Variants in PRKDC observed in about 807,000 individuals in gnomAD.
The protein encoded by PRKDC is protein kinase, DNA-activated, catalytic subunit.
In PRKDC, 82 loss-of-function variants were observed where a neutral mutation model predicts 486.9. That is an observed-to-expected ratio of 0.17 (90% CI 0.14 to 0.20). The LOEUF (loss-of-function observed/expected upper bound fraction) is 0.20. Ranked by LOEUF, PRKDC falls within the 10% of genes least tolerant of loss-of-function variation. PRKDC has a pLI of 1.00. For synonymous variants in PRKDC, 1,895 were observed against 1,837.0 expected (o/e 1.03, Z -0.81); for missense variants, 4,504 against 5,038.2 (o/e 0.89, Z 3.21).
Position 47,774,052 on chromosome 8 carries a change from T to C in PRKDC, c.*121A>G. ...GATTTAAACTCATGCTACGAAACTG[T>C]AGCACAAAAGACATTTCTCTTTAGT... On this transcript the variant is annotated 3_prime_UTR_variant, in exon 86 of 86. Transcript: ENST00000314191. The C allele has an allele frequency of 2.0e-6, 2 of 1,009,992 alleles. No homozygotes were observed. Among genetic ancestry groups the C allele is most frequent in the East Asian group, 2.6e-5 (1 of 38,150 alleles). 62.6% of individuals were successfully genotyped at this position (1,009,992 alleles called of 1,614,324 possible).
In PRKDC at chr8:47,913,877, G is replaced by A. The variant is rs766655431; in HGVS notation, c.2781+24C>T. 18 of 1,572,594 alleles carry A rather than the reference G, an allele frequency of 1.1e-5. No homozygotes were observed. In the South Asian group the frequency reaches 1.6e-4, roughly 14 times the overall value. ...TTTAAAGCAATAGGATCTAAATAATGGGTGAAATGAAAAATAGAAGTACTT... is the reference window on the plus strand; with the variant it reads ...TTTAAAGCAATAGGATCTAAATAATAGGTGAAATGAAAAATAGAAGTACTT... On this transcript the variant is annotated intron_variant, in intron 24 of 85. Transcript: ENST00000314191.
At chr8:47,915,863 G>A (rs1343609944) in intron 22 of PRKDC, among the ~76,000 whole-genome samples, 1 of 152,188 alleles carries the variant, frequency 6.6e-6, no homozygotes, top group South Asian at 2.1e-4. Flanking sequence ...GCTAACTGTA[G>A]TTATTCTTCT....
intron 85 of PRKDC, 137 bp downstream of exon 85, chr8:47,776,707 G>T: frequency 8.1e-7 from 1 of 1,230,056 alleles, no homozygotes; most frequent in Non-Finnish European, 1.1e-6. Flanking sequence ...TCTAAGCCCT[G>T]CTTTCCTCCT....
At chr8:47,852,833 G>A in intron 51 of PRKDC, 49 bp from the exon 52 acceptor site, 1 of 1,194,008 alleles carries the variant, frequency 8.4e-7, no homozygotes, top group South Asian at 1.4e-5. Context: ...CCATTCTGTT[G>A]TTCCACAAAT....
rs368986002 is a variant in PRKDC at position 47,864,756 on chromosome 8, A to T, written c.5371T>A (p.Cys1791Ser). The T allele has an allele frequency of 5.1e-6, 8 of 1,582,714 alleles. No individual in the cohort carries two copies. Among genetic ancestry groups the T allele is most frequent in the Non-Finnish European group, 6.0e-6 (7 of 1,162,242 alleles). Residue 1791 changes from cysteine (C) to serine (S), a missense_variant, in exon 41 of 86, where the codon TGT becomes AGT. Around this residue, in one of 6 missense-constraint regions of PRKDC, gnomAD observed 1,969 missense variants for 2,068.9 expected, o/e 0.95. Transcript: ENST00000314191. Reference sequence around the variant, plus strand: ...TCCAGAAGGCCTACTTGTGTGACACATGAACCCCTAAGAAAACAAGATAAA... The same window carrying T: ...TCCAGAAGGCCTACTTGTGTGACACTTGAACCCCTAAGAAAACAAGATAAA... ...SFRRIARRGSCVTQVGLLESV... is the reference protein window; with the variant it reads ...SFRRIARRGSSVTQVGLLESV...
At chr8:47,873,854 G>A (rs1353905972) in intron 40 of PRKDC, among the ~76,000 whole-genome samples, 2 of 152,068 alleles carry the variant, frequency 1.3e-5, no homozygotes, top group Non-Finnish European at 2.9e-5. Context: ...ACGGTTACCA[G>A]AGGCTGGAAA....
At chr8:47,905,522 T>G (rs1267597377) in intron 25 of PRKDC, among the ~76,000 whole-genome samples, 1 of 152,202 alleles carries the variant, frequency 6.6e-6, no homozygotes, top group South Asian at 2.1e-4. Context: ...ATCTAGTCGC[T>G]ATTCAACTAT....
chr8:47,902,861 G>C (rs1466134627), intron 26 of PRKDC, 66 bp from the exon 27 acceptor site: 15 of 1,253,820 alleles, frequency 1.2e-5, no homozygotes, highest in Non-Finnish European at 1.6e-5. Flanking sequence ...GAATACCCTT[G>C]GTCTATCTCT....
intron 32 of PRKDC, among the ~76,000 whole-genome samples, 189 bp from the exon 33 acceptor site, chr8:47,889,411 C>T (rs1034684174): frequency 3.3e-5 from 5 of 152,216 alleles, no homozygotes; most frequent in South Asian, 2.1e-4. Flanking sequence ...ACTCCTTACG[C>T]GTCTGATAAG....
In PRKDC at chr8:47,825,065, G is replaced by A. The variant is rs551584784; in HGVS notation, c.8784-1069C>T. Among the ~76,000 whole-genome samples the A allele has an allele frequency of 3.9e-5, 6 of 152,260 alleles. No homozygotes were observed. The South Asian group carries it at 1.0e-3, about 26-fold the overall frequency. On this transcript the variant is annotated intron_variant, in intron 63 of 85. Coordinates refer to ENST00000314191, the MANE Select transcript of PRKDC (RefSeq NM_006904.7). ...TAGGGGTAATAAATCAGCAGTAAAG[G>A]TGGGTGGGTAGGTAGGTGATGGAGC...
At chr8:47,796,828 G>A (rs1447063267) in intron 73 of PRKDC, among the ~76,000 whole-genome samples, 2 of 151,986 alleles carry the variant, frequency 1.3e-5, no homozygotes, top group East Asian at 3.9e-4. Flanking sequence ...TGCTGACCTC[G>A]TGATCTGCCC....
At chr8:47,892,672 T>C (rs1384708966) in intron 31 of PRKDC, among the ~76,000 whole-genome samples, 1 of 152,030 alleles carries the variant, frequency 6.6e-6, no homozygotes, top group Non-Finnish European at 1.5e-5. Flanking sequence ...TAAAAAGACG[T>C]AGATAGGGAT....
chr8:47,835,349 C>T (rs955001534), intron 58 of PRKDC, among the ~76,000 whole-genome samples: 9 of 152,030 alleles, frequency 5.9e-5, no homozygotes, highest in African/African-American at 2.2e-4. Context: ...CAGAAATAAT[C>T]CATTTCTTTT....
intron 48 of PRKDC, among the ~76,000 whole-genome samples, chr8:47,858,248 C>A (rs2088590472): frequency 6.6e-6 from 1 of 151,190 alleles, no homozygotes; most frequent in Admixed American, 6.6e-5. Context: ...AAGAAAGCAG[C>A]TACATGTACT....
chr8:47,847,874 AATATATAT>A (rs34432546), intron 54 of PRKDC, among the ~76,000 whole-genome samples: 9 of 146,200 alleles, frequency 6.2e-5, no homozygotes, highest in Admixed American at 1.4e-4. Context: ...GCGGCCAACA[AATATATAT>A]ATATATATAT....
rs2086717908 is a variant in PRKDC at position 47,782,669 on chromosome 8, T to G, written c.11176-71A>C. 1 of 1,496,732 alleles carries G rather than the reference T, an allele frequency of 6.7e-7. No homozygotes were observed. Among genetic ancestry groups the G allele is most frequent in the Non-Finnish European group, 9.0e-7 (1 of 1,109,060 alleles). 92.7% of individuals were successfully genotyped at this position (1,496,732 alleles called of 1,614,324 possible). On this transcript the variant is annotated intron_variant, in intron 78 of 85. Transcript: ENST00000314191. The surrounding 1 kb of genome is among the most constrained non-coding windows in gnomAD (Gnocchi z 4.9). ...TCAAACTCAGAGGGAAAAGCCAGAG[T>G]GGCTGTGAGCATTCCTCCGTGGGGC...
chr8:47,891,015 T>C (rs1450634825), intron 31 of PRKDC, among the ~76,000 whole-genome samples: 1 of 152,200 alleles, frequency 6.6e-6, no homozygotes, highest in Non-Finnish European at 1.5e-5. Flanking sequence ...ACCAGTCATC[T>C]TATGGAATCA....
Position 47,855,262 on chromosome 8 carries a change from G to C in PRKDC, c.6721C>G (p.Leu2241Val), listed in dbSNP as rs1407978387. 3 of 1,604,698 alleles carry C rather than the reference G, an allele frequency of 1.9e-6. No homozygotes were observed. Among genetic ancestry groups the C allele is most frequent in the African/African-American group, 2.7e-5 (2 of 74,788 alleles). The change falls in exon 50 of 86, where the codon CTT (leucine) becomes GTT (valine). Residue 2241 changes from leucine (L) to valine (V), a missense_variant. By Grantham distance (32) the Leu-to-Val change is conservative (BLOSUM62 1). Transcript: ENST00000314191. The part of the protein sequence containing the change: ...FRHNLEIIKT[L>V]VECWKDCLSI... ...AAACAATCCTTCCAGCACTCGACAAGGGTCTTTATAATTTCAAGGTTGTGT... is the reference window on the plus strand; with the variant it reads ...AAACAATCCTTCCAGCACTCGACAACGGTCTTTATAATTTCAAGGTTGTGT...
At chr8:47,915,554 C>G in intron 22 of PRKDC, 136 bp from the exon 23 acceptor site, 1 of 557,844 alleles carries the variant, frequency 1.8e-6, no homozygotes. Flanking sequence ...TTGGCAGGAT[C>G]CTTTCCACTC....
Sources: gnomAD v4.1 joint callset for allele counts (sites outside exome capture counted in the v4.1 genomes callset) on GRCh38, gnomAD v4.1.1 for gene constraint, gnomAD v4.1.1 regional missense constraint, Gnocchi (gnomAD v3.1) non-coding constraint, MANE v1.5 for transcripts, NCBI Gene and HGNC (gene_info 2026-07-23, HGNC 2026-07-21) for gene names.